The following ARHGAP6 variants were observed in gnomAD, a reference collection of about 807,000 sequenced individuals.
The protein encoded by ARHGAP6 is rho GTPase-activating protein 6.
ARHGAP6 carries 16 observed loss-of-function variants against 55.7 expected under a neutral mutation model. That is an observed-to-expected ratio of 0.29 (90% CI 0.19 to 0.44). The LOEUF is 0.44. ARHGAP6 is among the 20% of genes least tolerant of loss of function. The pLI is 1.00. For missense variants in ARHGAP6, 698 were observed against 808.9 expected (o/e 0.86, Z 1.66); for synonymous variants, 382 against 360.9 (o/e 1.06, Z -0.66).
At chrX:11,390,126 G>A (rs771185428) in intron 1 of ARHGAP6, among the ~76,000 whole-genome samples, 119 of 112,024 alleles carry the variant, frequency 1.1e-3, no homozygotes, top group Non-Finnish European at 1.9e-3. Context: ...AAGGAAACCA[G>A]TTTCAGCTTT....
At chrX:11,455,702 T>C (rs1202131148) in intron 1 of ARHGAP6, among the ~76,000 whole-genome samples, 1 of 111,887 alleles carries the variant, frequency 8.9e-6, no homozygotes, top group East Asian at 2.8e-4. Context: ...GTAGTTTTCA[T>C]CTCCTTTTCA....
intron 1 of ARHGAP6, among the ~76,000 whole-genome samples, chrX:11,382,452 G>A (rs2049273484): frequency 9.0e-6 from 1 of 111,587 alleles, no homozygotes. Flanking sequence ...GGCTCTTCAT[G>A]TGATAAACTA....
intron 1 of ARHGAP6, among the ~76,000 whole-genome samples, chrX:11,548,331 A>G (rs2051232404): frequency 9.0e-6 from 1 of 111,533 alleles, no homozygotes; most frequent in African/African-American, 3.3e-5. Flanking sequence ...TTCACCCTAC[A>G]GTGCTAGAAC....
intron 1 of ARHGAP6, among the ~76,000 whole-genome samples, chrX:11,477,054 A>G (rs762182926): frequency 9.0e-6 from 1 of 110,518 alleles, no homozygotes; most frequent in Non-Finnish European, 1.9e-5. Context: ...TAGGAAAAAA[A>G]TATCCACAAT....
chrX:11,317,746 C>G (rs2048376383), intron 1 of ARHGAP6, among the ~76,000 whole-genome samples: 3 of 111,577 alleles, frequency 2.7e-5, no homozygotes, highest in Non-Finnish European at 3.8e-5. Flanking sequence ...TTCCATAGTA[C>G]AGCTTTACAT....
intron 1 of ARHGAP6, among the ~76,000 whole-genome samples, chrX:11,324,542 C>T (rs2048475221): frequency 9.3e-6 from 1 of 108,031 alleles, no homozygotes; most frequent in Admixed American, 9.9e-5. Flanking sequence ...TTACTAAGCA[C>T]TCACCTTCCA....
chrX:11,361,977 A>G (rs1431065391), intron 1 of ARHGAP6, among the ~76,000 whole-genome samples: 3 of 111,960 alleles, frequency 2.7e-5, no homozygotes, highest in African/African-American at 9.8e-5. Context: ...ACCAGTTACA[A>G]TGGCAATCAT....
intron 1 of ARHGAP6, among the ~76,000 whole-genome samples, chrX:11,661,650 G>A (rs1298302121): frequency 1.8e-5 from 2 of 112,509 alleles, no homozygotes; most frequent in Non-Finnish European, 3.7e-5. Flanking sequence ...TTCAATGGAA[G>A]AGAAATAGAA....
chrX:11,385,751 G>T (rs2049321053), intron 1 of ARHGAP6, among the ~76,000 whole-genome samples: 1 of 112,054 alleles, frequency 8.9e-6, no homozygotes, highest in Admixed American at 9.5e-5. Context: ...TGCTAGATTT[G>T]AAAGTCTCAC....
intron 2 of ARHGAP6, among the ~76,000 whole-genome samples, chrX:11,221,609 T>C (rs1034139593): frequency 1.8e-5 from 2 of 111,723 alleles, no homozygotes; most frequent in Admixed American, 9.6e-5. Flanking sequence ...TTTTCTTTCA[T>C]ACACGTGGAA....
chrX:11,643,020 G>T (rs73632654), intron 1 of ARHGAP6, among the ~76,000 whole-genome samples: 1,118 of 111,193 alleles, frequency 0.01, 16 homozygotes, highest in African/African-American at 0.034. Context: ...AGATTTGTCA[G>T]AAGGCATTGA....
At chrX:11,475,928 C>T (rs2050399733) in intron 1 of ARHGAP6, among the ~76,000 whole-genome samples, 1 of 110,313 alleles carries the variant, frequency 9.1e-6, no homozygotes, top group Non-Finnish European at 1.9e-5. Context: ...AAGACGTGAT[C>T]GAGAAATTCT....
chrX:11,493,158 C>T (rs995009763), intron 1 of ARHGAP6, among the ~76,000 whole-genome samples: 4 of 112,260 alleles, frequency 3.6e-5, no homozygotes, highest in African/African-American at 1.3e-4. Context: ...GCAATCCTAA[C>T]TTATATGCAC....
intron 1 of ARHGAP6, among the ~76,000 whole-genome samples, chrX:11,583,971 C>G (rs5933903): frequency 0.27 from 29,781 of 111,040 alleles, 3,070 homozygotes; most frequent in Middle Eastern, 0.39. Flanking sequence ...TACCAGAAGT[C>G]TTCAGCAACA....
intron 3 of ARHGAP6, among the ~76,000 whole-genome samples, chrX:11,195,128 A>G (rs1029125214): frequency 2.7e-5 from 3 of 111,319 alleles, no homozygotes; most frequent in Non-Finnish European, 5.7e-5. Flanking sequence ...CTGAGGCGGG[A>G]GGAGCACGAG....
intron 2 of ARHGAP6, among the ~76,000 whole-genome samples, chrX:11,237,177 T>C (rs1437126367): frequency 8.9e-6 from 1 of 111,964 alleles, no homozygotes; most frequent in Non-Finnish European, 1.9e-5. Flanking sequence ...CAATAAAGAT[T>C]ACATTACTGG....
chrX:11,380,121 C>T (rs185532564), intron 1 of ARHGAP6, among the ~76,000 whole-genome samples: 6 of 111,287 alleles, frequency 5.4e-5, no homozygotes, highest in Non-Finnish European at 7.5e-5. Flanking sequence ...CCAGTAAATA[C>T]GAAACTCAAT....
At chrX:11,193,125 A>G (rs973671263) in intron 3 of ARHGAP6, among the ~76,000 whole-genome samples, 1 of 112,577 alleles carries the variant, frequency 8.9e-6, no homozygotes, top group Non-Finnish European at 1.9e-5. Flanking sequence ...GATCTGCTGT[A>G]TATCAAGGCA....
intron 1 of ARHGAP6, among the ~76,000 whole-genome samples, chrX:11,444,302 G>A (rs2050070831): frequency 8.9e-6 from 1 of 112,541 alleles, no homozygotes; most frequent in Non-Finnish European, 1.9e-5. Flanking sequence ...GGCAGCGAAT[G>A]TTGACCACTG....
Sources: allele counts gnomAD v4.1 joint callset (sites outside exome capture counted in the v4.1 genomes callset), GRCh38; gene constraint gnomAD v4.1.1; transcripts MANE v1.5; gene names NCBI Gene and HGNC (gene_info 2026-07-23, HGNC 2026-07-21).